SCNN1B: variants seen among roughly 807,000 people sequenced by gnomAD.
SCNN1B encodes the protein sodium channel epithelial 1 subunit beta, also known as epithelial sodium channel subunit beta.
SCNN1B carries 46 observed loss-of-function variants against 65.3 expected under a neutral mutation model. That is an observed-to-expected ratio of 0.70 (90% CI 0.56 to 0.90). The LOEUF is 0.90. SCNN1B is among the 40% of genes least tolerant of loss of function. The pLI is 0.00. For missense variants in SCNN1B, 751 were observed against 830.5 expected (o/e 0.90, Z 1.18); for synonymous variants, 349 against 330.6 (o/e 1.06, Z -0.60).
At chr16:23,363,864 G>C (rs1404594132) in intron 4 of SCNN1B, among the ~76,000 whole-genome samples, 6 of 151,508 alleles carry the variant, frequency 4.0e-5, no homozygotes, top group African/African-American at 1.5e-4. Context: ...ATCTGATAAA[G>C]AAGATAATCA....
chr16:23,313,664 T>G (rs1397594360), intron 1 of SCNN1B, among the ~76,000 whole-genome samples: 3 of 152,178 alleles, frequency 2.0e-5, no homozygotes. Flanking sequence ...CAGGCTGGAG[T>G]GCAGTGGCAC....
chr16:23,337,084 T>C (rs936046772), intron 1 of SCNN1B, among the ~76,000 whole-genome samples: 5 of 152,190 alleles, frequency 3.3e-5, no homozygotes, highest in Admixed American at 2.6e-4. Flanking sequence ...AGTGTCTTGC[T>C]GTGTCACCCA....
chr16:23,303,969 GC>G, intron 1 of SCNN1B: 2 of 948,388 alleles, frequency 2.1e-6, no homozygotes, highest in South Asian at 2.8e-5. Context: ...ATGTCATTCT[GC>G]AACTTGAGCC....
At chr16:23,311,949 C>G (rs930429743) in intron 1 of SCNN1B, among the ~76,000 whole-genome samples, 12 of 151,784 alleles carry the variant, frequency 7.9e-5, no homozygotes, top group Non-Finnish European at 1.5e-4. Flanking sequence ...CCAACACCCA[C>G]CCTCCCTCCC....
chr16:23,309,080 G>C (rs1961282341), intron 1 of SCNN1B, among the ~76,000 whole-genome samples: 2 of 152,262 alleles, frequency 1.3e-5, no homozygotes, highest in South Asian at 4.1e-4. Context: ...AATCTGGAGG[G>C]TATATCATAA....
At chr16:23,289,673 CTTT>C (rs11369014) in intron 2 of SCNN1B, among the ~76,000 whole-genome samples, 6 of 124,090 alleles carry the variant, frequency 4.8e-5, no homozygotes, top group Non-Finnish European at 3.3e-5. Flanking sequence ...CAATATTTAA[CTTT>C]TTTTTTTTTT....
chr16:23,299,075 TTC>T (rs1401829883), upstream of SCNN1B, among the ~76,000 whole-genome samples: 1 of 150,732 alleles, frequency 6.6e-6, no homozygotes. Context: ...TTTTTTTTTT[TTC>T]GAGATTGAGT....
intron 1 of SCNN1B, among the ~76,000 whole-genome samples, chr16:23,308,780 C>A (rs1436053085): frequency 6.6e-6 from 1 of 152,126 alleles, no homozygotes; most frequent in Non-Finnish European, 1.5e-5. Context: ...TTACAGGTGC[C>A]TGCCCCCACA....
chr16:23,297,033 T>C (rs555445337), intron 2 of SCNN1B, among the ~76,000 whole-genome samples: 7 of 146,758 alleles, frequency 4.8e-5, no homozygotes, highest in African/African-American at 1.8e-4. Flanking sequence ...AAATTGAAGA[T>C]CAGGGATCTG....
At chr16:23,343,585 A>AAGAAAAAG (rs1962109902) in intron 1 of SCNN1B, among the ~76,000 whole-genome samples, 1 of 29,502 alleles carries the variant, frequency 3.4e-5, no homozygotes, top group Admixed American at 4.1e-4. Context: ...GAAAAAGAGA[A>AAGAAAAAG]AGAAAGAAAG....
At position 23,349,901 on chromosome 16, in the gene SCNN1B, C is replaced by T. The variant is rs554344450; in HGVS notation, c.311+991C>T. The stretch of plus-strand genomic sequence containing the variant: ...TTACTCGAGGTCAGGAGTTTGAGAC[C>T]AGTCTGGCCAACATGGTGAAACCTC... On this transcript the variant is annotated intron_variant, in intron 2 of 12. Transcript: ENST00000343070. Among the ~76,000 whole-genome samples the T allele has an allele frequency of 1.1e-3, 171 of 151,910 alleles. 1 individual carries two copies. Among genetic ancestry groups the T allele is most frequent in the African/African-American group, 3.9e-3 (161 of 41,448 alleles).
Position 23,380,284 on chromosome 16 carries a change from T to A in SCNN1B, c.1542+115T>A, listed in dbSNP as rs377128934. 2.9e-5 allele frequency: 44 copies of A among 1,497,324 alleles called. No homozygotes were observed. The East Asian group carries it at 4.1e-4, about 14-fold the overall frequency. The allele number at this position is 1,497,324 out of a possible 1,614,324, so 92.8% of individuals were successfully genotyped here. On this transcript the variant is annotated intron_variant, in intron 12 of 12. Transcript: ENST00000343070. The surrounding 1 kb of genome is among the most constrained non-coding windows in gnomAD (Gnocchi z 5.4). ...GGAATTAGGAAGATCCCTAAGACAGTCCCAAGTTATTCCCCTGGGCCAAGA... is the reference window on the plus strand; with the variant it reads ...GGAATTAGGAAGATCCCTAAGACAGACCCAAGTTATTCCCCTGGGCCAAGA...
chr16:23,347,686 T>A (rs1458286793), intron 1 of SCNN1B, among the ~76,000 whole-genome samples: 1 of 152,178 alleles, frequency 6.6e-6, no homozygotes, highest in Non-Finnish European at 1.5e-5. Flanking sequence ...GGTGGGTGGA[T>A]CACTTGAGCT....
chr16:23,316,820 TCCATCATCA>T (rs1429121595), intron 1 of SCNN1B, among the ~76,000 whole-genome samples: 1 of 148,512 alleles, frequency 6.7e-6, no homozygotes, highest in Non-Finnish European at 1.5e-5. Context: ...CACCATCTCC[TCCATCATCA>T]CCATCATCAT....
intron 1 of SCNN1B, among the ~76,000 whole-genome samples, chr16:23,337,154 C>G (rs933990155): frequency 1.1e-4 from 16 of 152,118 alleles, no homozygotes; most frequent in African/African-American, 3.9e-4. Flanking sequence ...TGGGCTCAAG[C>G]AATCCTCCCA....
In SCNN1B at chr16:23,366,726, AAAAC is replaced by A. The variant is rs989700127; in HGVS notation, c.777-1114_777-1111del. On this transcript the variant is annotated intron_variant, in intron 4 of 12. Transcript: ENST00000343070. ...AGCAACATAGTGAGACTCTGTCTCAAAAACAAACAAACAAACAAAACTCCTGGGC... is the reference window on the plus strand; with the variant it reads ...AGCAACATAGTGAGACTCTGTCTCAAAAACAAACAAACAAAACTCCTGGGC... Among the ~76,000 whole-genome samples, 11 of 152,206 alleles carry A rather than the reference AAAAC, an allele frequency of 7.2e-5. No individual in the cohort carries two copies. The South Asian group carries it at 1.0e-3, about 14-fold the overall frequency.
intron 4 of SCNN1B, among the ~76,000 whole-genome samples, chr16:23,362,859 GCT>G (rs1438755208): frequency 6.6e-6 from 1 of 152,144 alleles, no homozygotes; most frequent in African/African-American, 2.4e-5. Flanking sequence ...GGTTTGCTCT[GCT>G]CTGTTCTTTT....
At chr16:23,321,054 TA>T (rs1961576418) in intron 1 of SCNN1B, among the ~76,000 whole-genome samples, 1 of 152,200 alleles carries the variant, frequency 6.6e-6, no homozygotes, top group African/African-American at 2.4e-5. Context: ...TATTTTATTT[TA>T]TTTTTTTGAG....
At chr16:23,378,636 A>G in intron 10 of SCNN1B, 70 bp from the exon 11 acceptor site, 1 of 1,438,128 alleles carries the variant, frequency 7.0e-7, no homozygotes, top group Non-Finnish European at 9.8e-7. Flanking sequence ...TACCTCCCCC[A>G]GGGAACAGAG....
Sources: gnomAD v4.1 joint callset for allele counts (sites outside exome capture counted in the v4.1 genomes callset) on GRCh38, gnomAD v4.1.1 for gene constraint, Gnocchi (gnomAD v3.1) non-coding constraint, MANE v1.5 for transcripts, NCBI Gene and HGNC (gene_info 2026-07-23, HGNC 2026-07-21) for gene names.